CNTN4: variants seen among roughly 807,000 people sequenced by gnomAD.
The protein encoded by CNTN4 is contactin 4, also known as contactin-4.
Under a neutral mutation model 122.5 loss-of-function variants are expected in CNTN4, and 77 were observed. The observed-to-expected ratio is 0.63, with a 90% confidence interval of 0.52 to 0.76. The LOEUF is 0.76. CNTN4 is among the 30% of genes least tolerant of loss of function. CNTN4 has a pLI of 0.00. For synonymous variants in CNTN4, 512 were observed against 447.0 expected, an observed-to-expected ratio of 1.15 and a Z score of -1.83; for missense variants, 1,256 against 1,259.1, an observed-to-expected ratio of 1.00 and a Z score of 0.04.
At chr3:2,888,784 G>T (rs1232071614) in intron 10 of CNTN4, among the ~76,000 whole-genome samples, 1 of 151,956 alleles carries the variant, frequency 6.6e-6, no homozygotes, top group African/African-American at 2.4e-5. Flanking sequence ...ATGAAACTCA[G>T]TTGCACATGC....
At chr3:2,404,981 G>T (rs543493452) in intron 3 of CNTN4, among the ~76,000 whole-genome samples, 1 of 152,246 alleles carries the variant, frequency 6.6e-6, no homozygotes, top group Admixed American at 6.5e-5. Context: ...GATACACAGG[G>T]AGTATAATTT....
At chr3:2,667,605 A>G (rs1159946573) in intron 4 of CNTN4, among the ~76,000 whole-genome samples, 2 of 150,524 alleles carry the variant, frequency 1.3e-5, no homozygotes, top group Non-Finnish European at 3.0e-5. Flanking sequence ...ATTAGATCCC[A>G]TTTGTCAATT....
intron 2 of CNTN4, among the ~76,000 whole-genome samples, chr3:2,310,872 A>C (rs774786069): frequency 5.3e-5 from 8 of 152,162 alleles, no homozygotes; most frequent in Admixed American, 1.3e-4. Flanking sequence ...GCTTGAGTGC[A>C]CAAATCCGGT....
At chr3:2,520,335 C>T (rs2077167613) in intron 3 of CNTN4, among the ~76,000 whole-genome samples, 1 of 126,002 alleles carries the variant, frequency 7.9e-6, no homozygotes, top group Admixed American at 9.9e-5. Flanking sequence ...TGCAGTGGCA[C>T]AATCTTGGTT....
intron 5 of CNTN4, 41 bp from the exon 6 acceptor site, chr3:2,745,481 A>T: frequency 6.9e-7 from 1 of 1,453,668 alleles, no homozygotes; most frequent in Non-Finnish European, 9.7e-7. Context: ...AATATTGATT[A>T]ATATGACAAG....
intron 2 of CNTN4, among the ~76,000 whole-genome samples, chr3:2,249,993 G>GT (rs1274017438): frequency 1.3e-5 from 2 of 151,784 alleles, no homozygotes; most frequent in Non-Finnish European, 2.9e-5. Flanking sequence ...TTTAAAATAA[G>GT]AAAGCTCTTA....
chr3:2,748,769 AC>A (rs892815215), intron 6 of CNTN4, among the ~76,000 whole-genome samples: 2 of 152,092 alleles, frequency 1.3e-5, no homozygotes, highest in Non-Finnish European at 2.9e-5. Context: ...CCTTTCCTTA[AC>A]CATTTATCCT....
intron 4 of CNTN4, among the ~76,000 whole-genome samples, chr3:2,583,107 C>G (rs1393805464): frequency 2.0e-5 from 3 of 152,270 alleles, no homozygotes; most frequent in Non-Finnish European, 2.9e-5. Context: ...ACTAACAAAA[C>G]TAGAAATGCA....
At chr3:2,818,967 A>T (rs555352823) in intron 6 of CNTN4, among the ~76,000 whole-genome samples, 1 of 152,334 alleles carries the variant, frequency 6.6e-6, no homozygotes, top group Admixed American at 6.5e-5. Context: ...ATTATATATG[A>T]TAGAATGGTT....
At chr3:2,285,629 A>G (rs1260220651) in intron 2 of CNTN4, among the ~76,000 whole-genome samples, 1 of 152,070 alleles carries the variant, frequency 6.6e-6, no homozygotes, top group Non-Finnish European at 1.5e-5. Context: ...TTTTCAGTGT[A>G]TGTTCACATT....
intron 6 of CNTN4, among the ~76,000 whole-genome samples, chr3:2,803,596 G>A (rs2092397032): frequency 1.4e-5 from 2 of 147,542 alleles, no homozygotes; most frequent in Admixed American, 6.9e-5. Context: ...GCCTCGCTCT[G>A]TCGCCCAGGC....
At chr3:2,534,466 G>A (rs1385140465) in intron 3 of CNTN4, among the ~76,000 whole-genome samples, 1 of 152,100 alleles carries the variant, frequency 6.6e-6, no homozygotes, top group East Asian at 1.9e-4. Flanking sequence ...CTTAAGCCTT[G>A]TTCCTGTCCT....
intron 16 of CNTN4, among the ~76,000 whole-genome samples, chr3:3,034,341 A>G (rs777499970): frequency 6.6e-6 from 1 of 152,188 alleles, no homozygotes; most frequent in South Asian, 2.1e-4. Context: ...TGGTACCCCA[A>G]TACTCTCTAT....
chr3:2,248,174 T>G (rs923525310), intron 2 of CNTN4, among the ~76,000 whole-genome samples: 3 of 152,030 alleles, frequency 2.0e-5, no homozygotes, highest in Non-Finnish European at 4.4e-5. Context: ...TCTTGAATCA[T>G]TAGCTCTATG....
At position 2,112,762 on chromosome 3, in the gene CNTN4, G is replaced by A. The variant is rs567209866; in HGVS notation, c.-145+12123G>A. On this transcript the variant is annotated intron_variant, in intron 2 of 24. Transcript: ENST00000418658. ...ATGAGAATTTACTGTTTTCCATTGT[G>A]TTTTACATTTTTTTCTTCTGGTAAG... Among the ~76,000 whole-genome samples the A allele has an allele frequency of 3.1e-4, 47 of 152,074 alleles. No homozygotes were observed. The East Asian group carries it at 8.1e-3, about 26-fold the overall frequency.
chr3:2,926,422 G>T (rs1208103807), intron 13 of CNTN4, among the ~76,000 whole-genome samples: 1 of 152,048 alleles, frequency 6.6e-6, no homozygotes, highest in Non-Finnish European at 1.5e-5. Flanking sequence ...GTTATTTGAG[G>T]TTTTACATTA....
intron 6 of CNTN4, among the ~76,000 whole-genome samples, chr3:2,746,099 A>T (rs1451117703): frequency 6.6e-6 from 1 of 152,238 alleles, no homozygotes; most frequent in African/African-American, 2.4e-5. Context: ...ACACACACAC[A>T]CACACACACA....
At chr3:2,764,894 A>G (rs2090774283) in intron 6 of CNTN4, among the ~76,000 whole-genome samples, 2 of 152,196 alleles carry the variant, frequency 1.3e-5, no homozygotes, top group Admixed American at 6.5e-5. Flanking sequence ...TAAAAAAATT[A>G]AATAACTTGC....
intron 2 of CNTN4, among the ~76,000 whole-genome samples, chr3:2,178,009 C>T (rs2036833446): frequency 6.6e-6 from 1 of 152,034 alleles, no homozygotes; most frequent in Admixed American, 6.6e-5. Context: ...GAATACCCTT[C>T]AAGCCCCAGC....
Sources: gnomAD v4.1 joint callset for allele counts (sites outside exome capture counted in the v4.1 genomes callset) on GRCh38, gnomAD v4.1.1 for gene constraint, MANE v1.5 for transcripts, NCBI Gene and HGNC (gene_info 2026-07-23, HGNC 2026-07-21) for gene names.